Variants in PPIL6 observed in about 807,000 individuals in gnomAD.
The protein encoded by PPIL6 is peptidylprolyl isomerase like 6.
PPIL6 carries 39 observed loss-of-function variants against 36.8 expected under a neutral mutation model. That is an observed-to-expected ratio of 1.06 (90% CI 0.82 to 1.38). The LOEUF (loss-of-function observed/expected upper bound fraction) is 1.38. Ranked by LOEUF, PPIL6 falls within the 40% of genes most tolerant of loss-of-function variation. PPIL6 has a pLI of 0.00. For synonymous variants in PPIL6, 123 were observed against 134.1 expected, an observed-to-expected ratio of 0.92 and a Z score of 0.57; for missense variants, 368 against 379.1, an observed-to-expected ratio of 0.97 and a Z score of 0.24.
chr6:109,422,122 C>T (rs1226821119), intron 5 of PPIL6, among the ~76,000 whole-genome samples: 6 of 152,074 alleles, frequency 3.9e-5, no homozygotes, highest in Non-Finnish European at 5.9e-5. Flanking sequence ...GTGATCCACC[C>T]GCCTCAGCCT....
At position 109,419,878 on chromosome 6, in the gene PPIL6, T is replaced by C. The variant is rs536942219; in HGVS notation, c.632-635A>G. On this transcript the variant is annotated intron_variant, in intron 5 of 7. Coordinates refer to ENST00000521072, the MANE Select transcript of PPIL6 (RefSeq NM_173672.5). Reference sequence around the variant, plus strand: ...TTACATTCATGATAATGCAAACTTTTGAAAGGATGAAGCATTAAATTATAA... The same window carrying C: ...TTACATTCATGATAATGCAAACTTTCGAAAGGATGAAGCATTAAATTATAA... Among the ~76,000 whole-genome samples the C allele has an allele frequency of 3.3e-5, 5 of 152,290 alleles. No homozygotes were observed. In the East Asian group the frequency reaches 7.7e-4, roughly 23 times the overall value.
At chr6:109,440,777 C>T (rs1026677283), upstream of PPIL6, 2 of 339,708 alleles carry the variant, frequency 5.9e-6, no homozygotes, top group African/African-American at 4.3e-5. Context: ...CCGCGACCGC[C>T]GGGGACGAGC....
chr6:109,405,041 G>T lies in PPIL6; in HGVS notation c.689-4871C>A, dbSNP rs1453041021. On this transcript the variant is annotated intron_variant, in intron 6 of 7. Coordinates refer to ENST00000521072, the MANE Select transcript of PPIL6 (RefSeq NM_173672.5). The stretch of plus-strand genomic sequence containing the variant: ...TGCACTCCAGCATGGGTGACAGAGA[G>T]ACTCCGTCTCAAAAAAGGAAAAAAA... 4 of 388,538 alleles carry T rather than the reference G, an allele frequency of 1.0e-5. No homozygotes were observed. The Admixed American group carries it at 1.1e-4, about 10-fold the overall frequency. 24.1% of individuals were successfully genotyped at this position (388,538 alleles called of 1,614,324 possible).
intron 7 of PPIL6, among the ~76,000 whole-genome samples, chr6:109,398,984 C>T (rs774826506): frequency 1.3e-5 from 2 of 151,634 alleles, no homozygotes; most frequent in Non-Finnish European, 2.9e-5. Context: ...ATTCTGTTGC[C>T]CAGGCTGGAG....
chr6:109,408,454 G>A (rs1470118670), intron 6 of PPIL6, among the ~76,000 whole-genome samples: 1 of 151,978 alleles, frequency 6.6e-6, no homozygotes, highest in African/African-American at 2.4e-5. Flanking sequence ...TTTATTTGAG[G>A]TATAAACATT....
chr6:109,428,934 C>T (rs573093297), intron 3 of PPIL6, among the ~76,000 whole-genome samples: 15 of 152,122 alleles, frequency 9.9e-5, no homozygotes, highest in Non-Finnish European at 1.8e-4. Flanking sequence ...ATTAAACTTC[C>T]CTGCGCATCA....
intron 2 of PPIL6, among the ~76,000 whole-genome samples, chr6:109,432,537 T>A (rs1774214595): frequency 2.0e-5 from 3 of 152,184 alleles, no homozygotes; most frequent in Non-Finnish European, 4.4e-5. Flanking sequence ...GAGATTCTCA[T>A]TGATCTCAGA....
intron 2 of PPIL6, among the ~76,000 whole-genome samples, chr6:109,435,688 G>A (rs186162011): frequency 6.6e-6 from 1 of 152,238 alleles, no homozygotes; most frequent in Non-Finnish European, 1.5e-5. Context: ...ACTTTGGGAG[G>A]CCGAGGTGGG....
chr6:109,440,953 A>C, upstream of PPIL6: 1 of 622,642 alleles, frequency 1.6e-6, no homozygotes, highest in Non-Finnish European at 2.7e-6. Flanking sequence ...TTGCCGGGGG[A>C]ACGCGGGAGT....
intron 5 of PPIL6, among the ~76,000 whole-genome samples, chr6:109,421,207 T>A (rs1027368320): frequency 6.6e-5 from 10 of 152,242 alleles, no homozygotes; most frequent in African/African-American, 2.4e-4. Context: ...ATATTTTATA[T>A]TGACACCATT....
rs976585802 is a variant in PPIL6, at chr6:109,435,297, T to C, written c.231+807A>G. On this transcript the variant is annotated intron_variant, in intron 2 of 7. Transcript: ENST00000521072. ...AAGGAAAATTCTGTAAATGTTGCAC[T>C]TTTTTTTTTTTTTTTTTTGGAGACA... is the stretch of plus-strand genomic sequence containing the variant. 3.2e-5 allele frequency among the ~76,000 whole-genome samples: 4 copies of C among 126,980 alleles called. No individual in the cohort carries two copies. The East Asian group carries it at 8.3e-4, about 26-fold the overall frequency. The allele number at this position is 126,980 out of a possible 152,430, so 83.3% of individuals were successfully genotyped here.
chr6:109,419,344 G>C, intron 5 of PPIL6, 101 bp from the exon 6 acceptor site: 1 of 751,196 alleles, frequency 1.3e-6, no homozygotes, highest in Non-Finnish European at 2.3e-6. Context: ...TGATTTCAAG[G>C]CTGAGGTGGG....
upstream of PPIL6, chr6:109,441,054 G>GC (rs1774845304): frequency 6.5e-7 from 1 of 1,534,684 alleles, no homozygotes; most frequent in Non-Finnish European, 9.0e-7. Context: ...GCCGCCGGCC[G>GC]CCCCCGTCCC....
In PPIL6 at chr6:109,428,621, A is replaced by T. The variant is rs1182079731; in HGVS notation, c.421-1465T>A. On this transcript the variant is annotated intron_variant, in intron 3 of 7. Transcript: ENST00000521072. ...ACTTGTCCTGTCCTCTTTCTTAAGA[A>T]TCTAGGAAACATGAAATTAAATGTA... is the stretch of plus-strand genomic sequence containing the variant. Among the ~76,000 whole-genome samples the T allele has an allele frequency of 5.9e-5, 9 of 151,812 alleles. 1 individual carries two copies. The highest frequency in any genetic ancestry group is 4.6e-4 in the Admixed American group (7 of 15,236).
Position 109,426,918 on chromosome 6 carries a change from C to G in PPIL6, c.560G>C (p.Arg187Pro), listed in dbSNP as rs761120119. The change falls in exon 5 of 8, where the codon CGT (arginine) becomes CCT (proline). Residue 187 changes from arginine (R) to proline (P), a missense_variant. Physicochemically the swap from Arg to Pro is moderately radical, Grantham distance 103. Transcript: ENST00000521072. ...LCTGKAGFSQ[R>P]GIRLHYKNSI... is the part of the protein sequence containing the mutation. ...ATTTTTGTAATGTAGTCTTATGCCACGTTGAGAAAACCCTGCTTTTCCTGT... is the reference window on the plus strand; with the variant it reads ...ATTTTTGTAATGTAGTCTTATGCCAGGTTGAGAAAACCCTGCTTTTCCTGT... The G allele has an allele frequency of 6.2e-7, 1 of 1,608,092 alleles. No homozygotes were observed. Among genetic ancestry groups the G allele is most frequent in the East Asian group, 2.2e-5 (1 of 44,702 alleles).
rs1772078955 is a variant in PPIL6 at position 109,391,052 on chromosome 6, G to C, written c.*1774C>G. On this transcript the variant is annotated 3_prime_UTR_variant, in exon 8 of 8. Coordinates refer to ENST00000521072, the MANE Select transcript of PPIL6 (RefSeq NM_173672.5). ...CTTTGTAATCTCAGCACTTTGGGAG[G>C]CCGAGGCGGGCGGATCACGAGGTCA... The C allele has an allele frequency of 6.6e-6, 1 of 152,084 alleles. No individual in the cohort carries two copies. Among genetic ancestry groups the C allele is most frequent in the African/African-American group, 2.4e-5 (1 of 41,380 alleles). 9.4% of individuals were successfully genotyped at this position (152,084 alleles called of 1,614,324 possible).
intron 6 of PPIL6, among the ~76,000 whole-genome samples, chr6:109,418,621 A>C (rs1307731026): frequency 1.3e-5 from 2 of 148,282 alleles, no homozygotes; most frequent in African/African-American, 5.0e-5. Context: ...ATCTCAGCTC[A>C]CTGCAACCTC....
At chr6:109,430,336 C>T (rs1033371924) in intron 3 of PPIL6, among the ~76,000 whole-genome samples, 3 of 152,214 alleles carry the variant, frequency 2.0e-5, no homozygotes, top group African/African-American at 7.2e-5. Flanking sequence ...TATCTCTCAT[C>T]CCTGGACCTC....
At chr6:109,406,574 A>T (rs1219409008) in intron 6 of PPIL6, among the ~76,000 whole-genome samples, 3 of 152,092 alleles carry the variant, frequency 2.0e-5, no homozygotes, top group Admixed American at 1.3e-4. Context: ...GGGGCAGCAA[A>T]ATGGTGACAT....
Sources: gnomAD v4.1 joint callset for allele counts (sites outside exome capture counted in the v4.1 genomes callset) on GRCh38, gnomAD v4.1.1 for gene constraint, MANE v1.5 for transcripts, NCBI Gene and HGNC (gene_info 2026-07-23, HGNC 2026-07-21) for gene names.